PLAAT1: variants seen among roughly 807,000 people sequenced by gnomAD.
The protein encoded by PLAAT1 is phospholipase A and acyltransferase 1, also known as H-REV107 protein-related protein.
A neutral mutation model predicts 16.4 loss-of-function variants in PLAAT1; 13 were observed. That is an observed-to-expected ratio of 0.79 (90% CI 0.52 to 1.26). The LOEUF is 1.26. PLAAT1 is among the 50% of genes most tolerant of loss of function. The pLI is 0.00. For missense variants in PLAAT1, 218 were observed against 207.8 expected, an observed-to-expected ratio of 1.05 and a Z score of -0.30; for synonymous variants, 73 against 78.4, an observed-to-expected ratio of 0.93 and a Z score of 0.36.
chr3:193,276,053 TGTA>T (rs1396188361), intron 2 of PLAAT1, among the ~76,000 whole-genome samples: 4 of 152,194 alleles, frequency 2.6e-5, no homozygotes, highest in African/African-American at 7.2e-5. Flanking sequence ...CCTTCATACA[TGTA>T]GTATTTTTCT....
chr3:193,271,653 A>T (rs1038353202), downstream of PLAAT1, among the ~76,000 whole-genome samples: 1 of 152,196 alleles, frequency 6.6e-6, no homozygotes, highest in Non-Finnish European at 1.5e-5. Context: ...ACATGACCCC[A>T]TAAACTACAC....
In PLAAT1 at chr3:193,255,710, G is replaced by C; in HGVS notation, c.60G>C (p.Leu20Phe). The C allele has an allele frequency of 1.9e-6, 3 of 1,613,312 alleles. No individual in the cohort carries two copies. The highest frequency in any genetic ancestry group is 1.7e-6 in the Non-Finnish European group (2 of 1,179,496). The change falls in exon 2 of 4, where the codon TTG (leucine) becomes TTC (phenylalanine). Residue 20 changes from leucine to phenylalanine, a missense_variant. By Grantham distance (22) the Leu-to-Phe change is conservative (BLOSUM62 0). Coordinates refer to ENST00000264735, the MANE Select transcript of PLAAT1 (RefSeq NM_020386.5). ...CTGGCAACCCCTGCCCAGGGGACTT[G>C]ATCGAAGTGTTCCGTCCTGGCTATC... is the stretch of plus-strand genomic sequence containing the variant. ...NYPGNPCPGD[L>F]IEVFRPGYQH...
intron 1 of PLAAT1, among the ~76,000 whole-genome samples, chr3:193,249,758 T>G: frequency 6.6e-6 from 1 of 152,132 alleles, no homozygotes; most frequent in South Asian, 2.1e-4. Context: ...TAATTCTTAC[T>G]TCTGCTTGAT....
chr3:193,260,406 G>A (rs1716541534), intron 2 of PLAAT1, among the ~76,000 whole-genome samples: 1 of 152,136 alleles, frequency 6.6e-6, no homozygotes, highest in Admixed American at 6.5e-5. Context: ...ATTATCAACA[G>A]AGTAAATAGT....
intron 1 of PLAAT1, among the ~76,000 whole-genome samples, chr3:193,254,624 T>TA (rs532775924): frequency 1.3e-5 from 2 of 152,056 alleles, no homozygotes; most frequent in East Asian, 1.9e-4. Context: ...AGTATTGACT[T>TA]AAAAAAAATT....
At chr3:193,241,129 CGGG>C, upstream of PLAAT1, 1 of 877,848 alleles carries the variant, frequency 1.1e-6, no homozygotes, top group African/African-American at 3.9e-5. Flanking sequence ...GGCGGGCGGG[CGGG>C]CGGGCGGGCG....
rs572265883 is a variant in PLAAT1, at chr3:193,269,349, A to G, written c.406-1255A>G. ...GGCATCTGGGGGTTGGAGCAGAGAC[A>G]GTGGGCCACAATTACAGGCCTAGTC... On this transcript the variant is annotated intron_variant, in intron 3 of 3. Transcript: ENST00000264735. Among the ~76,000 whole-genome samples the G allele has an allele frequency of 3.3e-5, 5 of 152,376 alleles. No individual in the cohort carries two copies. The South Asian group carries it at 8.3e-4, about 25-fold the overall frequency.
intron 1 of PLAAT1, among the ~76,000 whole-genome samples, chr3:193,243,010 G>A (rs918271789): frequency 2.6e-5 from 4 of 152,252 alleles, no homozygotes; most frequent in African/African-American, 9.6e-5. Context: ...TGTCCCTATC[G>A]GCAGGGAACA....
intron 1 of PLAAT1, among the ~76,000 whole-genome samples, chr3:193,252,902 A>G (rs956221860): frequency 6.6e-6 from 1 of 151,758 alleles, no homozygotes; most frequent in East Asian, 1.9e-4. Context: ...CTAGATGGGT[A>G]TCATTTAAGC....
At chr3:193,256,171 G>C (rs1716366743) in intron 2 of PLAAT1, among the ~76,000 whole-genome samples, 1 of 152,080 alleles carries the variant, frequency 6.6e-6, no homozygotes, top group Non-Finnish European at 1.5e-5. Flanking sequence ...CTAAGTGCTG[G>C]GGGTATACAG....
rs886978180 is a variant in PLAAT1, at chr3:193,263,078, A to G, written c.248A>G (p.Asn83Ser). The G allele has an allele frequency of 1.2e-6, 2 of 1,614,224 alleles. No individual in the cohort carries two copies. Among genetic ancestry groups the G allele is most frequent in the Non-Finnish European group, 1.7e-6 (2 of 1,180,040 alleles). The change falls in exon 3 of 4, where the codon AAC becomes AGC. Residue 83 changes from asparagine (N) to serine (S), a missense_variant. By Grantham distance (46) the Asn-to-Ser change is conservative. Coordinates refer to ENST00000264735, the MANE Select transcript of PLAAT1 (RefSeq NM_020386.5). ...DVVGNDTYRI[N>S]NKYDETYPPL... is the part of the protein sequence containing the mutation. ...GTGGGAAATGACACATACAGAATAAACAATAAATACGATGAAACGTACCCC... is the reference window on the plus strand; with the variant it reads ...GTGGGAAATGACACATACAGAATAAGCAATAAATACGATGAAACGTACCCC...
chr3:193,268,454 A>T (rs111510278), intron 3 of PLAAT1, among the ~76,000 whole-genome samples: 21 of 152,296 alleles, frequency 1.4e-4, no homozygotes, highest in African/African-American at 4.6e-4. Flanking sequence ...TGGCCCATGG[A>T]CAGAAAGCCC....
chr3:193,242,761 A>T (rs1715821775), intron 1 of PLAAT1, among the ~76,000 whole-genome samples: 2 of 152,174 alleles, frequency 1.3e-5, no homozygotes, highest in Non-Finnish European at 2.9e-5. Flanking sequence ...TGAATTAGCC[A>T]ATCTGGGAAT....
chr3:193,272,156 A>G (rs1210323483), downstream of PLAAT1, among the ~76,000 whole-genome samples: 3 of 152,082 alleles, frequency 2.0e-5, no homozygotes, highest in East Asian at 1.9e-4. Context: ...AAAAACCACA[A>G]TAACAGGCCA....
downstream of PLAAT1, among the ~76,000 whole-genome samples, chr3:193,280,525 T>C (rs1465136675): frequency 6.6e-6 from 1 of 152,208 alleles, no homozygotes; most frequent in Non-Finnish European, 1.5e-5. Flanking sequence ...TCTGGAACTC[T>C]GACTTGAAAA....
chr3:193,269,157 T>C (rs1186269989), intron 3 of PLAAT1, among the ~76,000 whole-genome samples: 1 of 152,156 alleles, frequency 6.6e-6, no homozygotes, highest in Non-Finnish European at 1.5e-5. Context: ...ATATGGCATA[T>C]GGGTGGCTCT....
At chr3:193,251,403 A>G (rs1234846707) in intron 1 of PLAAT1, among the ~76,000 whole-genome samples, 1 of 152,138 alleles carries the variant, frequency 6.6e-6, no homozygotes, top group African/African-American at 2.4e-5. Flanking sequence ...CCAGAACCAC[A>G]CTGAACTACT....
downstream of PLAAT1, among the ~76,000 whole-genome samples, chr3:193,272,853 A>G (rs1217639646): frequency 6.6e-6 from 1 of 152,070 alleles, no homozygotes; most frequent in Non-Finnish European, 1.5e-5. Context: ...AAAACTGGTT[A>G]CTCTTGATGA....
intron 2 of PLAAT1, among the ~76,000 whole-genome samples, chr3:193,276,291 G>T (rs13319036): frequency 0.02 from 3,041 of 152,262 alleles, 86 homozygotes; most frequent in African/African-American, 0.07. Context: ...ACACTGAGTA[G>T]AAAAGAAACA....
Sources: allele counts gnomAD v4.1 joint callset (sites outside exome capture counted in the v4.1 genomes callset), GRCh38; gene constraint gnomAD v4.1.1; transcripts MANE v1.5; gene names NCBI Gene and HGNC (gene_info 2026-07-23, HGNC 2026-07-21).